The following CSNK2A1 variants were observed in gnomAD, a reference collection of about 807,000 sequenced individuals.
CSNK2A1 encodes the protein casein kinase 2 alpha 1.
In CSNK2A1, 10 loss-of-function variants were observed where a neutral mutation model predicts 62.9. That is an observed-to-expected ratio of 0.16 (90% CI 0.10 to 0.27). CSNK2A1 has a LOEUF of 0.27. Ranked by LOEUF, CSNK2A1 falls within the 10% of genes least tolerant of loss-of-function variation. The pLI, the probability that CSNK2A1 is intolerant of heterozygous loss-of-function variation, is 1.00. For missense variants in CSNK2A1, 160 were observed against 492.0 expected (o/e 0.33, Z 6.38); for synonymous variants, 124 against 167.8 (o/e 0.74, Z 2.02).
chr20:497,621 T>C (rs2018371668), intron 7 of CSNK2A1, 100 bp downstream of exon 7: 1 of 1,008,210 alleles, frequency 9.9e-7, no homozygotes, highest in East Asian at 2.5e-5. Context: ...TCTTTCAACA[T>C]ACTTTACAAA....
chr20:486,489 T>C, intron 12 of CSNK2A1, 27 bp from the exon 13 acceptor site: 1 of 1,611,236 alleles, frequency 6.2e-7, no homozygotes, highest in Non-Finnish European at 8.5e-7. Context: ...AAGGCTAGGT[T>C]CTGTTTTGCT....
intron 1 of CSNK2A1, 110 bp downstream of exon 1, chr20:543,562 G>A: frequency 2.5e-6 from 1 of 396,790 alleles, no homozygotes; most frequent in Admixed American, 4.4e-5. Flanking sequence ...AGGGGAAGGC[G>A]ACGGGCCGCT....
chr20:479,325 A>G lies in CSNK2A1; in HGVS notation c.*4636T>C, dbSNP rs2017910358. 1 of 152,178 alleles carries G rather than the reference A, an allele frequency of 6.6e-6. No individual in the cohort carries two copies. The highest frequency in any genetic ancestry group is 1.5e-5 in the Non-Finnish European group (1 of 68,032). 9.4% of individuals were successfully genotyped at this position (152,178 alleles called of 1,614,324 possible). ...ATAGAATCTGAACAACCGCTCTATG[A>G]AATCAGTACTTATACCCCAATTTAA... On this transcript the variant is annotated 3_prime_UTR_variant, in exon 14 of 14. Coordinates refer to ENST00000217244, the MANE Select transcript of CSNK2A1 (RefSeq NM_177559.3).
chr20:517,505 T>C (rs1280523843), intron 2 of CSNK2A1, among the ~76,000 whole-genome samples: 4 of 152,152 alleles, frequency 2.6e-5, no homozygotes, highest in Non-Finnish European at 5.9e-5. Context: ...AATTAAGTCA[T>C]GGTGGTGTAC....
intron 2 of CSNK2A1, among the ~76,000 whole-genome samples, chr20:523,858 C>CAAAAAAAAAAAAAAAAAA (rs11401840): frequency 1.3e-4 from 6 of 45,538 alleles, no homozygotes; most frequent in African/African-American, 4.6e-4. Context: ...GACTCCATCT[C>CAAAAAAAAAAAAAAAAAA]AAAAAAAAAA....
At position 473,073 on chromosome 20, in the gene CSNK2A1, A is replaced by G. The variant is rs781691077; in HGVS notation, c.*10888T>C. ...TTTATTGTTGCTATGGTTACCCCCA[A>G]TGCAGCAGCTTCCAGTTCCTCCAAT... On this transcript the variant is annotated 3_prime_UTR_variant, in exon 14 of 14. Transcript: ENST00000217244. 3 of 152,410 alleles carry G rather than the reference A, an allele frequency of 2.0e-5. No homozygotes were observed. The highest frequency in any genetic ancestry group is 4.4e-5 in the Non-Finnish European group (3 of 68,174). 9.4% of individuals were successfully genotyped at this position (152,410 alleles called of 1,614,324 possible).
At position 505,461 on chromosome 20, in the gene CSNK2A1, A is replaced by G. The variant is rs537706390; in HGVS notation, c.102-232T>C. On this transcript the variant is annotated intron_variant, in intron 3 of 13. Coordinates refer to ENST00000217244, the MANE Select transcript of CSNK2A1 (RefSeq NM_177559.3). ...TGCCAGCTCCACCTCCCGGGTTCAC[A>G]CCATTCTCCTGCCTCAGCCTCCCGA... is the stretch of plus-strand genomic sequence containing the variant. Among the ~76,000 whole-genome samples, 58 of 140,210 alleles carry G rather than the reference A, an allele frequency of 4.1e-4. No individual in the cohort carries two copies. In the South Asian group the frequency reaches 9.8e-3, roughly 24 times the overall value. The allele number at this position is 140,210 out of a possible 152,430, so 92.0% of individuals were successfully genotyped here. A position where few individuals can be genotyped will look rare whatever the true frequency, so the allele number is the denominator to read the frequency against.
rs1196925518 is a variant in CSNK2A1, at chr20:473,991, G to C, written c.*9970C>G. ...AAGGGAGGAATGACTCCCTTGGGAGGAGACAACAACATTGCAAGTGATCTA... is the reference window on the plus strand; with the variant it reads ...AAGGGAGGAATGACTCCCTTGGGAGCAGACAACAACATTGCAAGTGATCTA... On this transcript the variant is annotated 3_prime_UTR_variant, in exon 14 of 14. Coordinates refer to ENST00000217244, the MANE Select transcript of CSNK2A1 (RefSeq NM_177559.3). 6.6e-6 allele frequency: 1 copy of C among 152,230 alleles called. No individual in the cohort carries two copies. Among genetic ancestry groups the C allele is most frequent in the East Asian group, 1.9e-4 (1 of 5,200 alleles). The allele number at this position is 152,230 out of a possible 1,614,324, so 9.4% of individuals were successfully genotyped here.
chr20:486,364 C>G lies in CSNK2A1; in HGVS notation c.1060+12G>C. 6.2e-7 allele frequency: 1 copy of G among 1,612,384 alleles called. No individual in the cohort carries two copies. Among genetic ancestry groups the G allele is most frequent in the Non-Finnish European group, 8.5e-7 (1 of 1,179,286 alleles). On this transcript the variant is annotated intron_variant, in intron 13 of 13. Transcript: ENST00000217244. ...CCACATTTTTTTAAAGAAAATTTAC[C>G]AATGAACTGACCTGACATCATATTG... is the stretch of plus-strand genomic sequence containing the variant.
intron 1 of CSNK2A1, among the ~76,000 whole-genome samples, chr20:528,382 C>T (rs967201685): frequency 6.6e-6 from 1 of 152,134 alleles, no homozygotes; most frequent in African/African-American, 2.4e-5. Flanking sequence ...AACTGGTTGC[C>T]TTTCAATTCT....
chr20:531,084 C>CA (rs934868719), intron 1 of CSNK2A1, among the ~76,000 whole-genome samples: 6 of 151,616 alleles, frequency 4.0e-5, no homozygotes, highest in South Asian at 4.2e-4. Flanking sequence ...AATTCCGTCT[C>CA]AAAAAACAAA....
At chr20:539,223 C>T (rs1405987035) in intron 1 of CSNK2A1, 1 of 152,214 alleles carries the variant, frequency 6.6e-6, no homozygotes, top group Non-Finnish European at 1.5e-5. Context: ...TTGACTGGGT[C>T]TCACAAGGGC....
intron 1 of CSNK2A1, among the ~76,000 whole-genome samples, chr20:531,068 G>C (rs1237335605): frequency 6.6e-6 from 1 of 152,094 alleles, no homozygotes; most frequent in Non-Finnish European, 1.5e-5. Context: ...TGGGTGAAAA[G>C]AGTGAAATTC....
At chr20:541,539 T>C (rs1245942716) in intron 1 of CSNK2A1, among the ~76,000 whole-genome samples, 1 of 152,196 alleles carries the variant, frequency 6.6e-6, no homozygotes, top group Non-Finnish European at 1.5e-5. Flanking sequence ...AGATGTATGT[T>C]CAGAGATAGA....
At chr20:526,997 C>CAGAGAGAGAGAG (rs1186187834) in intron 2 of CSNK2A1, 3 of 53,936 alleles carry the variant, frequency 5.6e-5, no homozygotes, top group South Asian at 9.3e-4. Flanking sequence ...GAGAGAGAGA[C>CAGAGAGAGAGAG]AGACAGAGAG....
intron 2 of CSNK2A1, among the ~76,000 whole-genome samples, chr20:516,280 T>C (rs2018827280): frequency 6.6e-6 from 1 of 152,230 alleles, no homozygotes; most frequent in Non-Finnish European, 1.5e-5. Flanking sequence ...GACCACTACA[T>C]CTACCTTAAC....
intron 2 of CSNK2A1, among the ~76,000 whole-genome samples, chr20:527,652 T>G (rs184091186): frequency 2.0e-4 from 31 of 152,310 alleles, no homozygotes; most frequent in Admixed American, 1.9e-3. Context: ...GAATGTGTTT[T>G]GTTTACATAC....
At position 481,175 on chromosome 20, in the gene CSNK2A1, A is replaced by G. The variant is rs3746795; in HGVS notation, c.*2786T>C. 2.6e-5 allele frequency: 4 copies of G among 152,364 alleles called. No homozygotes were observed. The East Asian group carries it at 7.7e-4, about 29-fold the overall frequency. 9.4% of individuals were successfully genotyped at this position (152,364 alleles called of 1,614,324 possible). On this transcript the variant is annotated 3_prime_UTR_variant, in exon 14 of 14. Coordinates refer to ENST00000217244, the MANE Select transcript of CSNK2A1 (RefSeq NM_177559.3). ...TCATGGCACAACTTCTTCCCAGCAC[A>G]GTTATGGTTTAGTCATACCAATTAC...
At chr20:500,809 T>G (rs2018450404) in intron 4 of CSNK2A1, 1 of 151,684 alleles carries the variant, frequency 6.6e-6, no homozygotes, top group Non-Finnish European at 1.5e-5. Flanking sequence ...AGGCTAATTT[T>G]TGTATTTTTA....
Sources: allele counts gnomAD v4.1 joint callset (sites outside exome capture counted in the v4.1 genomes callset), GRCh38; gene constraint gnomAD v4.1.1; transcripts MANE v1.5; gene names NCBI Gene and HGNC (gene_info 2026-07-23, HGNC 2026-07-21).